Variants in ZNF555 observed in about 807,000 individuals in gnomAD.
ZNF555 encodes the protein zinc finger protein 555.
Under a neutral mutation model 14.0 loss-of-function variants are expected in ZNF555, and 10 were observed. That is an observed-to-expected ratio of 0.72 (90% CI 0.44 to 1.21). ZNF555 has a LOEUF of 1.21. Among genes scored for constraint, ZNF555 ranks in the 50% most tolerant of loss-of-function variants. The probability of loss-of-function intolerance (pLI) is 0.00; values close to 1 mark genes in which losing one functional copy is unlikely to be tolerated. For synonymous variants in ZNF555, 277 were observed against 262.4 expected (o/e 1.06, Z -0.54); for missense variants, 747 against 762.0 (o/e 0.98, Z 0.23).
chr19:2,851,614 A>C lies in ZNF555; in HGVS notation c.277A>C (p.Ile93Leu), dbSNP rs778169234. Residue 93 changes from isoleucine to leucine, a missense_variant, in exon 3 of 4, where the codon ATC becomes CTC. By Grantham distance (5) the Ile-to-Leu change is conservative. Transcript: ENST00000334241. ...VLGKIWDSLSIEDQTTNQGRN... is the reference protein window; with the variant it reads ...VLGKIWDSLSLEDQTTNQGRN... ...AGGAAAAATTTGGGACAGTCTTAGCATCGAAGATCAAACCACAAACCAGGG... is the reference window on the plus strand; with the variant it reads ...AGGAAAAATTTGGGACAGTCTTAGCCTCGAAGATCAAACCACAAACCAGGG... 52 of 1,601,914 alleles carry C rather than the reference A, an allele frequency of 3.2e-5. 1 individual carries two copies. The highest frequency in any genetic ancestry group is 4.3e-5 in the Non-Finnish European group (51 of 1,176,532).
rs755475946 is a variant in ZNF555, at chr19:2,853,048, G to A, written c.983G>A (p.Arg328Gln). Residue 328 changes from arginine (R) to glutamine (Q), a missense_variant, in exon 4 of 4, where the codon CGA (arginine) becomes CAA (glutamine). Coordinates refer to ENST00000334241, the MANE Select transcript of ZNF555 (RefSeq NM_152791.5). ...GCCTTCAGTTATTCTTCGGCTTTTC[G>A]AAGACACATGATAACACACACTGGA... Reference protein sequence around the residue: ...GEAFSYSSAFRRHMITHTGEK... With the variant: ...GEAFSYSSAFQRHMITHTGEK... 1.1e-5 allele frequency: 18 copies of A among 1,614,012 alleles called. No homozygotes were observed. The highest frequency in any genetic ancestry group is 6.7e-5 in the East Asian group (3 of 44,898).
chr19:2,853,466 T>C lies in ZNF555; in HGVS notation c.1401T>C (p.Phe467=). ...CGKAFSLSAC[F]REHVRMHPED... ...AAGCCTTCAGCTTGTCTGCTTGCTT[T>C]CGAGAACATGTGAGAATGCACCCTG... Residue 467 remains phenylalanine, a synonymous_variant, in exon 4 of 4, where the codon TTT becomes TTC. Coordinates refer to ENST00000334241, the MANE Select transcript of ZNF555 (RefSeq NM_152791.5). 1 of 1,613,870 alleles carries C rather than the reference T, an allele frequency of 6.2e-7. No individual in the cohort carries two copies.
rs538396187 is a variant in ZNF555 at position 2,859,488 on chromosome 19, C to G, written c.*5536C>G. ...GAAGGCACTGCTGTGAATATGATGG[C>G]GTCAGAGGTGACTGCAAAAAAGGAC... On this transcript the variant is annotated 3_prime_UTR_variant, in exon 4 of 4. Transcript: ENST00000334241. 1 of 152,262 alleles carries G rather than the reference C, an allele frequency of 6.6e-6. No homozygotes were observed. The highest frequency in any genetic ancestry group is 1.9e-4 in the East Asian group (1 of 5,168). The allele number at this position is 152,262 out of a possible 1,614,324, so 9.4% of individuals were successfully genotyped here.
chr19:2,844,469 C>T (rs576289813), intron 1 of ZNF555, among the ~76,000 whole-genome samples: 1 of 152,274 alleles, frequency 6.6e-6, no homozygotes, highest in African/African-American at 2.4e-5. Flanking sequence ...GAACTCCTGA[C>T]CTCAGGTGGC....
chr19:2,847,156 T>G (rs959482433), intron 1 of ZNF555: 1 of 152,152 alleles, frequency 6.6e-6, no homozygotes, highest in African/African-American at 2.4e-5. Context: ...TGACAAATAT[T>G]TTACCATTTT....
At position 2,853,109 on chromosome 19, in the gene ZNF555, C is replaced by G; in HGVS notation, c.1044C>G (p.Thr348=). 1.9e-6 allele frequency: 3 copies of G among 1,613,278 alleles called. No homozygotes were observed. Among genetic ancestry groups the G allele is most frequent in the Non-Finnish European group, 2.5e-6 (3 of 1,179,800 alleles). The change falls in exon 4 of 4, where the codon ACC becomes ACG. Residue 348 remains threonine (T), a synonymous_variant. Coordinates refer to ENST00000334241, the MANE Select transcript of ZNF555 (RefSeq NM_152791.5). ...ACGAATGCAAACAATGTGGGAAAAC[C>G]TTCATTTATCTCCAGTCCTTTCGAA... ...KPYECKQCGK[T]FIYLQSFRRH... is the part of the protein sequence containing the mutation.
intron 1 of ZNF555, among the ~76,000 whole-genome samples, chr19:2,846,356 C>T (rs1188358192): frequency 6.6e-6 from 1 of 152,196 alleles, no homozygotes; most frequent in Non-Finnish European, 1.5e-5. Flanking sequence ...AAGAGGGGAG[C>T]GCTTCGGTCA....
chr19:2,856,080 A>C lies in ZNF555; in HGVS notation c.*2128A>C, dbSNP rs996528379. ...CGAGAGAATTACAGATTTCAAATCA[A>C]CTTTGTAATTTTGATAATTTAAGCA... On this transcript the variant is annotated 3_prime_UTR_variant, in exon 4 of 4. Coordinates refer to ENST00000334241, the MANE Select transcript of ZNF555 (RefSeq NM_152791.5). 5.6e-4 allele frequency: 85 copies of C among 152,332 alleles called. No homozygotes were observed. Among genetic ancestry groups the C allele is most frequent in the African/African-American group, 1.9e-3 (80 of 41,572 alleles). 9.4% of individuals were successfully genotyped at this position (152,332 alleles called of 1,614,324 possible). A position where few individuals can be genotyped will look rare whatever the true frequency, so the allele number is the denominator to read the frequency against.
At position 2,841,495 on chromosome 19, in the gene ZNF555, G is replaced by A. The variant is rs1362494167; in HGVS notation, c.-78G>A. Reference sequence around the variant, plus strand: ...CCTCTGTCCTAGCCGTGAGTGCCCCGCCTGCCCCTAGCGGTCCCTGGCGTC... The same window carrying A: ...CCTCTGTCCTAGCCGTGAGTGCCCCACCTGCCCCTAGCGGTCCCTGGCGTC... On this transcript the variant is annotated 5_prime_UTR_variant, in exon 1 of 4. Transcript: ENST00000334241. The A allele has an allele frequency of 6.5e-7, 1 of 1,542,704 alleles. No homozygotes were observed. Among genetic ancestry groups the A allele is most frequent in the Non-Finnish European group, 8.8e-7 (1 of 1,142,754 alleles).
chr19:2,853,439 G>A lies in ZNF555; in HGVS notation c.1374G>A (p.Gly458=), dbSNP rs1331110162. The change falls in exon 4 of 4, where the codon GGG becomes GGA. Residue 458 remains glycine (G), a synonymous_variant. Transcript: ENST00000334241. ...REKPYECKQC[G]KAFSLSACFR... is the part of the protein sequence containing the mutation. Reference sequence around the variant, plus strand: ...AACCCTATGAATGTAAGCAGTGTGGGAAAGCCTTCAGCTTGTCTGCTTGCT... The same window carrying A: ...AACCCTATGAATGTAAGCAGTGTGGAAAAGCCTTCAGCTTGTCTGCTTGCT... 1 of 1,614,230 alleles carries A rather than the reference G, an allele frequency of 6.2e-7. No homozygotes were observed. The highest frequency in any genetic ancestry group is 1.1e-5 in the South Asian group (1 of 91,088).
chr19:2,848,364 G>A (rs1397705701), intron 1 of ZNF555, among the ~76,000 whole-genome samples: 1 of 151,526 alleles, frequency 6.6e-6, no homozygotes, highest in Non-Finnish European at 1.5e-5. Flanking sequence ...GTGTTAGCCA[G>A]GATGGTCTCA....
chr19:2,853,733 A>G lies in ZNF555; in HGVS notation c.1668A>G (p.Arg556=). Residue 556 remains arginine, a synonymous_variant, in exon 4 of 4, where the codon AGA becomes AGG. Coordinates refer to ENST00000334241, the MANE Select transcript of ZNF555 (RefSeq NM_152791.5). ...CATCATCTTTACCAATACATATGAG[A>G]CTGCACACTGGAGAGAAACCTTATC... ...KWPSSLPIHM[R]LHTGEKPYQC... is the part of the protein sequence containing the mutation. 6.3e-7 allele frequency: 1 copy of G among 1,589,500 alleles called. No individual in the cohort carries two copies. Among genetic ancestry groups the G allele is most frequent in the Non-Finnish European group, 8.6e-7 (1 of 1,168,548 alleles).
In ZNF555 at chr19:2,859,360, C is replaced by G. The variant is rs2087712332; in HGVS notation, c.*5408C>G. ...TCGCGTGGCTGTGGCAGGTAGACAGCCCGTGCTCCAGAGGCCTTCATCTTG... is the reference window on the plus strand; with the variant it reads ...TCGCGTGGCTGTGGCAGGTAGACAGGCCGTGCTCCAGAGGCCTTCATCTTG... On this transcript the variant is annotated 3_prime_UTR_variant, in exon 4 of 4. Coordinates refer to ENST00000334241, the MANE Select transcript of ZNF555 (RefSeq NM_152791.5). 1 of 152,262 alleles carries G rather than the reference C, an allele frequency of 6.6e-6. No homozygotes were observed. Among genetic ancestry groups the G allele is most frequent in the South Asian group, 2.1e-4 (1 of 4,832 alleles). 9.4% of individuals were successfully genotyped at this position (152,262 alleles called of 1,614,324 possible).
rs1334126272 is a variant in ZNF555, at chr19:2,851,471, A to G, written c.134A>G (p.Asp45Gly). 2.5e-6 allele frequency: 4 copies of G among 1,576,490 alleles called. No individual in the cohort carries two copies. The South Asian group carries it at 3.5e-5, about 14-fold the overall frequency. The change falls in exon 3 of 4, where the codon GAT becomes GGT. Residue 45 changes from aspartate to glycine, a missense_variant. By Grantham distance (94) the Asp-to-Gly change is moderately conservative. Coordinates refer to ENST00000334241, the MANE Select transcript of ZNF555 (RefSeq NM_152791.5). The stretch of plus-strand genomic sequence containing the variant: ...TTTGTTTACTTTTTGGTTTCAGATG[A>G]TGAAACTCAATTTAAGGCCAGTGGG... The part of the protein sequence containing the change: ...ETFQNLASVD[D>G]ETQFKASGSV...
intron 1 of ZNF555, among the ~76,000 whole-genome samples, chr19:2,844,397 C>T (rs1232770484): frequency 6.6e-6 from 1 of 152,172 alleles, no homozygotes; most frequent in East Asian, 1.9e-4. Context: ...GCCACTGCAC[C>T]TGGCCATTTT....
chr19:2,851,655 A>G lies in ZNF555; in HGVS notation c.314+4A>G. On this transcript the variant is annotated splice_donor_region_variant and intron_variant, in intron 3 of 3. Coordinates refer to ENST00000334241, the MANE Select transcript of ZNF555 (RefSeq NM_152791.5). ...CAAACCAGGGGAGAAATCTCAGGTG[A>G]GTTGCACTCACAAGAGAACATAGTA... 2 of 1,561,670 alleles carry G rather than the reference A, an allele frequency of 1.3e-6. No individual in the cohort carries two copies. The highest frequency in any genetic ancestry group is 1.7e-6 in the Non-Finnish European group (2 of 1,158,750).
intron 1 of ZNF555, among the ~76,000 whole-genome samples, chr19:2,849,975 T>C (rs1259082732): frequency 2.6e-5 from 4 of 152,226 alleles, no homozygotes; most frequent in African/African-American, 9.6e-5. Flanking sequence ...TGTGGAGGTC[T>C]ACGTTCTCGT....
At position 2,849,483 on chromosome 19, in the gene ZNF555, C is replaced by CTTT. The variant is rs113343627; in HGVS notation, c.4-1089_4-1087dup. Among the ~76,000 whole-genome samples the CTTT allele has an allele frequency of 6.2e-4, 82 of 132,090 alleles. 1 individual carries two copies. Among genetic ancestry groups the CTTT allele is most frequent in the African/African-American group, 2.0e-3 (70 of 35,646 alleles). 86.7% of individuals were successfully genotyped at this position (132,090 alleles called of 152,430 possible). A position where few individuals can be genotyped will look rare whatever the true frequency, so the allele number is the denominator to read the frequency against. On this transcript the variant is annotated intron_variant, in intron 1 of 3. Transcript: ENST00000334241. ...TTTATCCTTAAGGTTAGCAATAATA[C>CTTT]TTTTTTTTTTTTTTTTTCTGAGACT...
chr19:2,858,550 T>A lies in ZNF555; in HGVS notation c.*4598T>A, dbSNP rs2087703306. The A allele has an allele frequency of 6.6e-6, 1 of 152,296 alleles. No individual in the cohort carries two copies. The highest frequency in any genetic ancestry group is 6.5e-5 in the Admixed American group (1 of 15,292). The allele number at this position is 152,296 out of a possible 1,614,324, so 9.4% of individuals were successfully genotyped here. On this transcript the variant is annotated 3_prime_UTR_variant, in exon 4 of 4. Coordinates refer to ENST00000334241, the MANE Select transcript of ZNF555 (RefSeq NM_152791.5). ...TTTCTAGGGCCTTTCCTGAGGCCACTTCCAGCTCCAAAGTTCTCATCTCAA... is the reference window on the plus strand; with the variant it reads ...TTTCTAGGGCCTTTCCTGAGGCCACATCCAGCTCCAAAGTTCTCATCTCAA...
Sources: gnomAD v4.1 joint callset for allele counts (sites outside exome capture counted in the v4.1 genomes callset) on GRCh38, gnomAD v4.1.1 for gene constraint, MANE v1.5 for transcripts, NCBI Gene and HGNC (gene_info 2026-07-23, HGNC 2026-07-21) for gene names.